Variants in TOM1L2 observed in about 807,000 individuals in gnomAD.
The protein encoded by TOM1L2 is TOM1-like protein 2.
Under a neutral mutation model 67.9 loss-of-function variants are expected in TOM1L2, and 31 were observed. That is an observed-to-expected ratio of 0.46 (90% CI 0.34 to 0.62). The LOEUF (loss-of-function observed/expected upper bound fraction) is 0.62. Among genes scored for constraint, TOM1L2 ranks in the 20% least tolerant of loss-of-function variants. The probability of loss-of-function intolerance (pLI) is 0.01; values close to 1 mark genes in which losing one functional copy is unlikely to be tolerated. For missense variants in TOM1L2, 606 were observed against 663.5 expected, an observed-to-expected ratio of 0.91 and a Z score of 0.95; for synonymous variants, 256 against 254.0, an observed-to-expected ratio of 1.01 and a Z score of -0.07.
chr17:17,968,234 C>A (rs1034351867), intron 1 of TOM1L2, among the ~76,000 whole-genome samples: 3 of 152,236 alleles, frequency 2.0e-5, no homozygotes, highest in Non-Finnish European at 4.4e-5. Context: ...CCTGGCCCCC[C>A]ACAGGCACTC....
intron 1 of TOM1L2, among the ~76,000 whole-genome samples, chr17:17,949,917 C>A (rs955733450): frequency 2.0e-5 from 3 of 152,128 alleles, no homozygotes; most frequent in African/African-American, 7.2e-5. Context: ...GTCACCCAGG[C>A]TAGAGTGCAG....
chr17:17,916,470 C>T (rs1351731749), intron 1 of TOM1L2, among the ~76,000 whole-genome samples: 1 of 152,140 alleles, frequency 6.6e-6, no homozygotes, highest in Non-Finnish European at 1.5e-5. Context: ...AATGGTCCGA[C>T]TTCACTCTTT....
At chr17:17,922,345 C>T (rs1472920781) in intron 1 of TOM1L2, among the ~76,000 whole-genome samples, 1 of 152,140 alleles carries the variant, frequency 6.6e-6, no homozygotes, top group Admixed American at 6.5e-5. Context: ...TCTGGAGTGT[C>T]CTTTCATTTT....
chr17:17,909,597 TGGGGGTGG>T (rs2039254283), intron 1 of TOM1L2, among the ~76,000 whole-genome samples: 1 of 35,750 alleles, frequency 2.8e-5, no homozygotes, highest in African/African-American at 1.1e-4. Context: ...CTGGGGGGTG[TGGGGGTGG>T]GGGAATGGGG....
At chr17:17,888,581 C>A (rs943783663) in intron 4 of TOM1L2, among the ~76,000 whole-genome samples, 1 of 152,234 alleles carries the variant, frequency 6.6e-6, no homozygotes, top group African/African-American at 2.4e-5. Flanking sequence ...CTGGCCAGAG[C>A]CCAGCTACCA....
intron 12 of TOM1L2, chr17:17,857,978 C>T: frequency 1.2e-6 from 1 of 812,706 alleles, no homozygotes; most frequent in East Asian, 2.7e-5. Context: ...TGCCCTGCTC[C>T]CAACCTCCAC....
chr17:17,955,527 G>GT (rs927023200), intron 1 of TOM1L2, among the ~76,000 whole-genome samples: 2 of 151,938 alleles, frequency 1.3e-5, no homozygotes, highest in African/African-American at 4.8e-5. Context: ...TTTTAGCAGA[G>GT]ACAGGGTTTC....
intron 2 of TOM1L2, among the ~76,000 whole-genome samples, chr17:17,903,669 A>AT (rs1158579733): frequency 2.4e-4 from 36 of 151,988 alleles, no homozygotes; most frequent in African/African-American, 8.5e-4. Flanking sequence ...CCTCATGGAG[A>AT]TCACAGCCTT....
At chr17:17,866,661 C>T (rs1444637761) in intron 9 of TOM1L2, among the ~76,000 whole-genome samples, 1 of 152,232 alleles carries the variant, frequency 6.6e-6, no homozygotes, top group Non-Finnish European at 1.5e-5. Flanking sequence ...TCAACAGTGA[C>T]TGTCCTGGGA....
intron 7 of TOM1L2, among the ~76,000 whole-genome samples, chr17:17,873,937 T>C (rs1450759010): frequency 6.6e-6 from 1 of 152,128 alleles, no homozygotes; most frequent in African/African-American, 2.4e-5. Flanking sequence ...TTCCATACTT[T>C]ATTTACTTAT....
At chr17:17,957,362 C>T (rs1185737268) in intron 1 of TOM1L2, among the ~76,000 whole-genome samples, 1 of 152,162 alleles carries the variant, frequency 6.6e-6, no homozygotes, top group South Asian at 2.1e-4. Flanking sequence ...CACAAAAGAG[C>T]ATATACTGTA....
Position 17,907,487 on chromosome 17 carries a change from T to A in TOM1L2, c.97A>T (p.Asn33Tyr). The change falls in exon 2 of 15, where the codon AAT becomes TAT. Residue 33 changes from asparagine (N) to tyrosine (Y), a missense_variant. Transcript: ENST00000379504. ...GSLQSEDWTL[N>Y]MEICDIINET... ...TTGATGATGTCACAGATCTCCATATTCAACGTCCAATCCTCACTTTGCAGG... is the reference window on the plus strand; with the variant it reads ...TTGATGATGTCACAGATCTCCATATACAACGTCCAATCCTCACTTTGCAGG... 6.2e-7 allele frequency: 1 copy of A among 1,614,156 alleles called. No homozygotes were observed. The highest frequency in any genetic ancestry group is 8.5e-7 in the Non-Finnish European group (1 of 1,180,012).
intron 12 of TOM1L2, 66 bp from the exon 13 acceptor site, chr17:17,851,018 G>A (rs528362052): frequency 8.3e-6 from 13 of 1,563,980 alleles, no homozygotes; most frequent in East Asian, 2.2e-5. Context: ...ACAGAACACC[G>A]GAACAAAGGA....
At chr17:17,885,350 G>T (rs1437420388) in intron 4 of TOM1L2, among the ~76,000 whole-genome samples, 1 of 152,248 alleles carries the variant, frequency 6.6e-6, no homozygotes, top group African/African-American at 2.4e-5. Context: ...TAGCGCTGCT[G>T]CCAGTAGGTG....
intron 1 of TOM1L2, among the ~76,000 whole-genome samples, chr17:17,961,916 C>T (rs1313715678): frequency 6.6e-6 from 1 of 150,966 alleles, no homozygotes; most frequent in African/African-American, 2.4e-5. Context: ...GATATTTGTA[C>T]ATTCATGTTC....
intron 1 of TOM1L2, among the ~76,000 whole-genome samples, chr17:17,950,074 A>G (rs2041130670): frequency 6.6e-6 from 1 of 151,822 alleles, no homozygotes; most frequent in African/African-American, 2.4e-5. Flanking sequence ...GGGTTTCACC[A>G]TGTTTCTCGA....
chr17:17,882,312 A>G (rs2037765060), intron 6 of TOM1L2, among the ~76,000 whole-genome samples: 1 of 152,160 alleles, frequency 6.6e-6, no homozygotes, highest in South Asian at 2.1e-4. Context: ...GGCCCTACAT[A>G]TGCGCCTGCT....
At chr17:17,923,603 T>C (rs1188449628) in intron 1 of TOM1L2, among the ~76,000 whole-genome samples, 2 of 151,946 alleles carry the variant, frequency 1.3e-5, no homozygotes, top group Non-Finnish European at 2.9e-5. Flanking sequence ...GGCAGGAGGA[T>C]CACTTGAGGC....
chr17:17,893,398 GC>G (rs2038391766), intron 4 of TOM1L2, among the ~76,000 whole-genome samples: 1 of 152,168 alleles, frequency 6.6e-6, no homozygotes, highest in Non-Finnish European at 1.5e-5. Context: ...GCCTGTTGAG[GC>G]CACCCTACCT....
Sources: gnomAD v4.1 joint callset for allele counts (sites outside exome capture counted in the v4.1 genomes callset) on GRCh38, gnomAD v4.1.1 for gene constraint, MANE v1.5 for transcripts, NCBI Gene and HGNC (gene_info 2026-07-23, HGNC 2026-07-21) for gene names.